Variants in SMYD3 observed in about 807,000 individuals in gnomAD.
SMYD3 encodes histone-lysine N-methyltransferase SMYD3.
A neutral mutation model predicts 57.7 loss-of-function variants in SMYD3; 36 were observed. The ratio of observed to expected loss-of-function variants is 0.62; its 90% CI spans 0.48 to 0.82. The LOEUF (loss-of-function observed/expected upper bound fraction) is 0.82, where lower values mean the gene tolerates loss of function less well. Ranked by LOEUF, SMYD3 falls within the 40% of genes least tolerant of loss-of-function variation. The probability of loss-of-function intolerance (pLI) is 0.00; values close to 1 mark genes in which losing one functional copy is unlikely to be tolerated. For synonymous variants in SMYD3, 211 were observed against 195.0 expected (o/e 1.08, Z -0.68); for missense variants, 515 against 538.8 (o/e 0.96, Z 0.44).
chr1:246,486,095 G>A (rs1029194938), intron 1 of SMYD3, among the ~76,000 whole-genome samples: 7 of 152,100 alleles, frequency 4.6e-5, no homozygotes, highest in Non-Finnish European at 8.8e-5. Flanking sequence ...CAGGCTTTAC[G>A]CTGGATGCTG....
intron 5 of SMYD3, among the ~76,000 whole-genome samples, chr1:246,253,462 A>G (rs980831782): frequency 1.3e-5 from 2 of 152,198 alleles, no homozygotes; most frequent in African/African-American, 4.8e-5. Flanking sequence ...TTCTTTCTTA[A>G]GGCCACATTG....
rs143021038 is a variant in SMYD3 at position 246,440,194 on chromosome 1, C to T, written c.164+66860G>A. Among the ~76,000 whole-genome samples, 769 of 152,142 alleles carry T rather than the reference C, an allele frequency of 5.1e-3. 2 individuals are homozygous for T. The highest frequency in any genetic ancestry group is 0.027 in the Middle Eastern group (8 of 294). On this transcript the variant is annotated intron_variant, in intron 1 of 11. Coordinates refer to ENST00000490107, the MANE Select transcript of SMYD3 (RefSeq NM_001167740.2). ...AGACAACCACTATTAAACCAATATA[C>T]ACAAAAAATATATAGATAGAGAAAA...
chr1:246,465,826 G>A (rs1251638949), intron 1 of SMYD3, among the ~76,000 whole-genome samples: 1 of 152,200 alleles, frequency 6.6e-6, no homozygotes, highest in African/African-American at 2.4e-5. Flanking sequence ...AAGCTGGAGT[G>A]CAGTGGCACA....
At chr1:245,816,621 T>C (rs989663772) in intron 10 of SMYD3, among the ~76,000 whole-genome samples, 1 of 151,606 alleles carries the variant, frequency 6.6e-6, no homozygotes, top group African/African-American at 2.4e-5. Context: ...GATTTCTGCA[T>C]TTCCATCTGA....
At chr1:246,035,269 G>A (rs910476771) in intron 5 of SMYD3, 2 of 152,218 alleles carry the variant, frequency 1.3e-5, no homozygotes, top group African/African-American at 4.8e-5. Context: ...ACAGCCACGT[G>A]TCTGAAGAAC....
At chr1:246,133,616 C>A (rs147857532) in intron 5 of SMYD3, among the ~76,000 whole-genome samples, 1 of 152,174 alleles carries the variant, frequency 6.6e-6, no homozygotes, top group African/African-American at 2.4e-5. Context: ...TATGTCATCA[C>A]GATTGGCTGA....
At chr1:246,001,543 A>G (rs1240238243) in intron 5 of SMYD3, among the ~76,000 whole-genome samples, 2 of 152,208 alleles carry the variant, frequency 1.3e-5, no homozygotes, top group Non-Finnish European at 2.9e-5. Context: ...CCTTGCCAAA[A>G]TCTAAGAAGC....
At chr1:246,343,622 A>C (rs558948470) in intron 2 of SMYD3, among the ~76,000 whole-genome samples, 47 of 152,194 alleles carry the variant, frequency 3.1e-4, no homozygotes, top group Middle Eastern at 3.2e-3. Context: ...AAAATTAACC[A>C]CAAGTCTGTA....
intron 1 of SMYD3, among the ~76,000 whole-genome samples, chr1:246,442,288 G>A (rs1274027318): frequency 1.3e-5 from 2 of 152,176 alleles, no homozygotes; most frequent in Non-Finnish European, 2.9e-5. Flanking sequence ...CAGGCATGGT[G>A]GCTCACGCCT....
At chr1:246,306,804 T>G (rs138260479) in intron 5 of SMYD3, among the ~76,000 whole-genome samples, 37 of 152,340 alleles carry the variant, frequency 2.4e-4, no homozygotes, top group African/African-American at 8.9e-4. Flanking sequence ...CTAAATGACT[T>G]GGCAAAGCCA....
rs538492508 is a variant in SMYD3 at position 245,906,599 on chromosome 1, T to A, written c.813+8931A>T. ...ACTGTTTGGAGGTTCCTCAAGAAAC[T>A]AAAAATATAACTACCATAGGATCCA... On this transcript the variant is annotated intron_variant, in intron 8 of 11. Coordinates refer to ENST00000490107, the MANE Select transcript of SMYD3 (RefSeq NM_001167740.2). Among the ~76,000 whole-genome samples the A allele has an allele frequency of 1.8e-4, 27 of 152,282 alleles. 1 individual carries two copies. In the South Asian group the frequency reaches 5.4e-3, roughly 30 times the overall value.
chr1:245,816,672 C>T (rs1358949105), intron 10 of SMYD3, among the ~76,000 whole-genome samples: 3 of 151,956 alleles, frequency 2.0e-5, no homozygotes, highest in Non-Finnish European at 2.9e-5. Flanking sequence ...AGACAGTGGG[C>T]ACAGGTCAGT....
intron 5 of SMYD3, among the ~76,000 whole-genome samples, chr1:246,096,061 T>C (rs1415888676): frequency 3.9e-5 from 6 of 152,200 alleles, no homozygotes; most frequent in Admixed American, 2.0e-4. Flanking sequence ...ATTTCCCCCA[T>C]GAACAGCACA....
At chr1:246,481,985 T>C (rs901676103) in intron 1 of SMYD3, among the ~76,000 whole-genome samples, 2 of 151,792 alleles carry the variant, frequency 1.3e-5, no homozygotes, top group Non-Finnish European at 2.9e-5. Flanking sequence ...AATGAGACCC[T>C]TTCTCTACTA....
At chr1:246,257,344 T>C (rs915853822) in intron 5 of SMYD3, among the ~76,000 whole-genome samples, 1 of 152,230 alleles carries the variant, frequency 6.6e-6, no homozygotes, top group Admixed American at 6.5e-5. Context: ...ATTGGGTACA[T>C]ATATATTTAG....
intron 10 of SMYD3, among the ~76,000 whole-genome samples, chr1:245,774,250 C>A (rs564564349): frequency 1.3e-5 from 2 of 152,272 alleles, no homozygotes; most frequent in East Asian, 3.9e-4. Flanking sequence ...CCCACTGTCT[C>A]CCCAGCAGGA....
intron 5 of SMYD3, among the ~76,000 whole-genome samples, chr1:246,185,105 T>C (rs1007883406): frequency 6.6e-6 from 1 of 152,258 alleles, no homozygotes; most frequent in Admixed American, 6.5e-5. Context: ...TCATTTTCTA[T>C]AAGCACTAAT....
chr1:246,312,648 C>T (rs1341930866), intron 5 of SMYD3, among the ~76,000 whole-genome samples: 2 of 152,074 alleles, frequency 1.3e-5, no homozygotes, highest in Non-Finnish European at 2.9e-5. Flanking sequence ...GAAGTAAAAC[C>T]AGGTCACATA....
At chr1:246,143,925 C>T (rs2061803073) in intron 5 of SMYD3, among the ~76,000 whole-genome samples, 1 of 152,160 alleles carries the variant, frequency 6.6e-6, no homozygotes, top group African/African-American at 2.4e-5. Flanking sequence ...TTCCCAAAGC[C>T]TTGTGCTTTC....
Sources: gnomAD v4.1 joint callset for allele counts (sites outside exome capture counted in the v4.1 genomes callset) on GRCh38, gnomAD v4.1.1 for gene constraint, MANE v1.5 for transcripts, NCBI Gene and HGNC (gene_info 2026-07-23, HGNC 2026-07-21) for gene names.